Variants in TRANK1 observed in about 807,000 individuals in gnomAD.
TRANK1 encodes TPR and ankyrin repeat-containing protein 1.
A neutral mutation model predicts 266.0 loss-of-function variants in TRANK1; 198 were observed. That is an observed-to-expected ratio of 0.74 (90% CI 0.66 to 0.84). The LOEUF (loss-of-function observed/expected upper bound fraction) is 0.84. TRANK1 is among the 40% of genes least tolerant of loss of function. The pLI, the probability that TRANK1 is intolerant of heterozygous loss-of-function variation, is 0.00. For missense variants in TRANK1, 3,326 were observed against 3,634.6 expected, an observed-to-expected ratio of 0.92 and a Z score of 2.18; for synonymous variants, 1,396 against 1,384.1, an observed-to-expected ratio of 1.01 and a Z score of -0.19.
Position 36,857,209 on chromosome 3 carries a change from C to T in TRANK1, c.2513G>A (p.Cys838Tyr). Residue 838 changes from cysteine to tyrosine, a missense_variant, in exon 13 of 24, where the codon TGC (cysteine) becomes TAC (tyrosine). Coordinates refer to ENST00000645898, the MANE Select transcript of TRANK1 (RefSeq NM_001329998.2). The surrounding 1 kb of genome is among the most constrained non-coding windows in gnomAD (Gnocchi z 4.3). Reference protein sequence around the residue: ...DFDNMTWEIECTSEMLKKLSS... With the variant: ...DFDNMTWEIEYTSEMLKKLSS... The stretch of plus-strand genomic sequence containing the variant: ...CAGCTTCTTCAGCATTTCTGAAGTG[C>T]ACTCGATCTCCCAGGTCATGTTATC... The T allele has an allele frequency of 1.2e-6, 2 of 1,613,892 alleles. No homozygotes were observed. Among genetic ancestry groups the T allele is most frequent in the Non-Finnish European group, 1.7e-6 (2 of 1,179,846 alleles).
Position 36,855,950 on chromosome 3 carries a change from G to T in TRANK1, c.3772C>A (p.Pro1258Thr), listed in dbSNP as rs1485450586. The change falls in exon 13 of 24, where the codon CCC becomes ACC. Residue 1258 changes from proline to threonine, a missense_variant. Pro to Thr is a conservative substitution (Grantham distance 38). Transcript: ENST00000645898. Reference sequence around the variant, plus strand: ...TCGTTTCTCAGAAAAAATGGTTTGGGCAGAGAAGCATCAAGCAGAAGAAGC... The same window carrying T: ...TCGTTTCTCAGAAAAAATGGTTTGGTCAGAGAAGCATCAAGCAGAAGAAGC... ...QLLLLLDASL[P>T]KPFFLRNEDG... The T allele has an allele frequency of 6.2e-7, 1 of 1,613,316 alleles. No individual in the cohort carries two copies. The highest frequency in any genetic ancestry group is 8.5e-7 in the Non-Finnish European group (1 of 1,179,846).
chr3:36,843,179 G>C (rs1382824842), intron 17 of TRANK1, among the ~76,000 whole-genome samples: 9 of 152,144 alleles, frequency 5.9e-5, no homozygotes, highest in African/African-American at 2.2e-4. Flanking sequence ...ACTGACCTGT[G>C]TTGTCTTTCT....
At position 36,855,263 on chromosome 3, in the gene TRANK1, A is replaced by T. The variant is rs767278887; in HGVS notation, c.4459T>A (p.Tyr1487Asn). The change falls in exon 13 of 24, where the codon TAT becomes AAT. Residue 1487 changes from tyrosine to asparagine, a missense_variant. Tyr to Asn is a moderately radical substitution (Grantham distance 143). Coordinates refer to ENST00000645898, the MANE Select transcript of TRANK1 (RefSeq NM_001329998.2). ...TTGTCTATGGTGTTTCTGCTGGCAT[A>T]ATGGAACAGAGAGCGCAGATCGCTG... Reference protein sequence around the residue: ...RFSDLRSLFHYASRNTIDKQC... With the variant: ...RFSDLRSLFHNASRNTIDKQC... 6.2e-7 allele frequency: 1 copy of T among 1,614,008 alleles called. No individual in the cohort carries two copies. Among genetic ancestry groups the T allele is most frequent in the South Asian group, 1.1e-5 (1 of 91,086 alleles).
chr3:36,915,922 G>A (rs1223606024), intron 1 of TRANK1, among the ~76,000 whole-genome samples: 1 of 152,214 alleles, frequency 6.6e-6, no homozygotes, highest in African/African-American at 2.4e-5. Flanking sequence ...ACTGTCAGGT[G>A]AGTAGGATGC....
chr3:36,914,057 C>T (rs1374748725), intron 1 of TRANK1, among the ~76,000 whole-genome samples: 1 of 152,116 alleles, frequency 6.6e-6, no homozygotes, highest in Non-Finnish European at 1.5e-5. Flanking sequence ...GTCATTCTCA[C>T]AGCAAAAAGT....
chr3:36,923,151 G>T (rs552920634), intron 1 of TRANK1, among the ~76,000 whole-genome samples: 1 of 152,126 alleles, frequency 6.6e-6, no homozygotes, highest in Non-Finnish European at 1.5e-5. Flanking sequence ...TTGTTTCCTG[G>T]CAGTCAGCTC....
chr3:36,835,305 C>A, intron 20 of TRANK1, among the ~76,000 whole-genome samples: 1 of 100,790 alleles, frequency 9.9e-6, no homozygotes, highest in African/African-American at 4.2e-5. Flanking sequence ...GGCGACAGAG[C>A]GAGACTCCGT....
chr3:36,892,850 A>AACAT (rs1291975816), intron 6 of TRANK1, 51 bp downstream of exon 6: 1 of 711,798 alleles, frequency 1.4e-6, no homozygotes, highest in African/African-American at 2.7e-5. Flanking sequence ...AACAAAACAA[A>AACAT]ACATATATAT....
chr3:36,860,064 A>C (rs542569966), intron 11 of TRANK1, among the ~76,000 whole-genome samples: 8 of 152,200 alleles, frequency 5.3e-5, no homozygotes, highest in Non-Finnish European at 7.3e-5. Flanking sequence ...TATCTTACAT[A>C]TTATGTGTTA....
chr3:36,909,012 G>A (rs986026852), intron 1 of TRANK1, among the ~76,000 whole-genome samples: 11 of 152,310 alleles, frequency 7.2e-5, no homozygotes, highest in African/African-American at 2.6e-4. Flanking sequence ...TTAGCAGATG[G>A]AACAGGGAGG....
intron 15 of TRANK1, 41 bp downstream of exon 15, chr3:36,851,678 C>T (rs2078985678): frequency 1.9e-6 from 3 of 1,584,534 alleles, no homozygotes; most frequent in South Asian, 1.2e-5. Context: ...TCAGCTCATA[C>T]ATAAATATTC....
At chr3:36,940,454 C>T (rs912996818) in intron 1 of TRANK1, among the ~76,000 whole-genome samples, 10 of 150,932 alleles carry the variant, frequency 6.6e-5, no homozygotes, top group Non-Finnish European at 1.0e-4. Context: ...GAGCTGAGAT[C>T]GTGCCACTGC....
At chr3:36,846,474 G>A in intron 16 of TRANK1, 70 bp from the exon 17 acceptor site, 2 of 1,493,506 alleles carry the variant, frequency 1.3e-6, no homozygotes, top group Non-Finnish European at 1.8e-6. Flanking sequence ...CACTTCAATG[G>A]GCTTACTCTA....
Position 36,857,202 on chromosome 3 carries a change from T to A in TRANK1, c.2520A>T (p.Ser840=). 1 of 1,613,988 alleles carries A rather than the reference T, an allele frequency of 6.2e-7. No individual in the cohort carries two copies. Among genetic ancestry groups the A allele is most frequent in the Non-Finnish European group, 8.5e-7 (1 of 1,179,884 alleles). Residue 840 remains serine (S), a synonymous_variant, in exon 13 of 24, where the codon TCA becomes TCT. Transcript: ENST00000645898. This position sits in a 1 kb window ranked among gnomAD's most constrained non-coding sequence, Gnocchi z 4.3. ...DNMTWEIECT[S]EMLKKLSSKV... Reference sequence around the variant, plus strand: ...TACTAGACAGCTTCTTCAGCATTTCTGAAGTGCACTCGATCTCCCAGGTCA... The same window carrying A: ...TACTAGACAGCTTCTTCAGCATTTCAGAAGTGCACTCGATCTCCCAGGTCA...
chr3:36,908,322 C>A lies in TRANK1; in HGVS notation c.155+1G>T. On this transcript the variant is annotated splice_donor_variant, in intron 2 of 23. Coordinates refer to ENST00000645898, the MANE Select transcript of TRANK1 (RefSeq NM_001329998.2). LOFTEE classifies it high-confidence loss of function. ...GATGAGGTGAAAATGCAAACACTTACCCCCACTGGTATAACTGCAGGAGAA... is the reference window on the plus strand; with the variant it reads ...GATGAGGTGAAAATGCAAACACTTAACCCCACTGGTATAACTGCAGGAGAA... 1 of 1,232,210 alleles carries A rather than the reference C, an allele frequency of 8.1e-7. No individual in the cohort carries two copies. The highest frequency in any genetic ancestry group is 1.0e-6 in the Non-Finnish European group (1 of 987,988). The allele number at this position is 1,232,210 out of a possible 1,614,324, so 76.3% of individuals were successfully genotyped here.
intron 1 of TRANK1, among the ~76,000 whole-genome samples, chr3:36,920,691 T>C (rs1477254766): frequency 1.3e-5 from 2 of 152,010 alleles, no homozygotes; most frequent in Admixed American, 1.3e-4. Flanking sequence ...GGCGTAAGGA[T>C]GAAATCAACA....
chr3:36,864,588 G>A (rs1290289086), intron 9 of TRANK1, 108 bp from the exon 10 acceptor site: 1 of 1,045,812 alleles, frequency 9.6e-7, no homozygotes, highest in Non-Finnish European at 1.3e-6. Context: ...ATGCTGTGCA[G>A]TGTGACTTGC....
chr3:36,867,490 T>C (rs115224593), intron 9 of TRANK1, among the ~76,000 whole-genome samples: 3 of 152,320 alleles, frequency 2.0e-5, no homozygotes, highest in African/African-American at 7.2e-5. Context: ...CAGAGAATGA[T>C]ACAGATGGAA....
intron 1 of TRANK1, among the ~76,000 whole-genome samples, chr3:36,942,558 T>C (rs1428089021): frequency 4.0e-5 from 6 of 148,540 alleles, no homozygotes. Context: ...CAGGCCCCAC[T>C]GGGATCCATG....
Sources: allele counts gnomAD v4.1 joint callset (sites outside exome capture counted in the v4.1 genomes callset), GRCh38; gene constraint gnomAD v4.1.1; non-coding constraint Gnocchi (gnomAD v3.1); transcripts MANE v1.5; gene names NCBI Gene and HGNC (gene_info 2026-07-23, HGNC 2026-07-21).